ADH7: variants seen among roughly 807,000 people sequenced by gnomAD.
The protein encoded by ADH7 is alcohol dehydrogenase 7 (class IV), mu or sigma polypeptide, also known as all-trans-retinol dehydrogenase [NAD(+)] ADH7.
Under a neutral mutation model 34.4 loss-of-function variants are expected in ADH7, and 41 were observed. That is an observed-to-expected ratio of 1.19 (90% confidence interval 0.93 to 1.55). ADH7 has a LOEUF of 1.55. Among genes scored for constraint, ADH7 ranks in the 40% most tolerant of loss-of-function variants. ADH7 has a pLI of 0.00. For synonymous variants in ADH7, 180 were observed against 160.9 expected (o/e 1.12, Z -0.90); for missense variants, 540 against 461.2 (o/e 1.17, Z -1.56).
intron 5 of ADH7, among the ~76,000 whole-genome samples, chr4:99,422,596 C>T (rs6831961): frequency 9.9e-5 from 15 of 151,994 alleles, no homozygotes; most frequent in East Asian, 7.8e-4. Flanking sequence ...CAAACCTGCA[C>T]GCTCTGCACA....
In ADH7 at chr4:99,415,675, A is replaced by G; in HGVS notation, c.962-59T>C. 1.1e-5 allele frequency: 17 copies of G among 1,530,068 alleles called. No individual in the cohort carries two copies. In the South Asian group the frequency reaches 1.7e-4, roughly 15 times the overall value. 94.8% of individuals were successfully genotyped at this position (1,530,068 alleles called of 1,614,324 possible). A position where few individuals can be genotyped will look rare whatever the true frequency, so the allele number is the denominator to read the frequency against. ...TACTAAATAATCCTTATCTTTTATT[A>G]TGTTATATTTATTCCTTCTCTTTCC... On this transcript the variant is annotated intron_variant, in intron 7 of 8. Coordinates refer to ENST00000437033, the MANE Select transcript of ADH7 (RefSeq NM_000673.7).
chr4:99,430,569 T>C (rs1346050698), intron 1 of ADH7, among the ~76,000 whole-genome samples: 1 of 152,188 alleles, frequency 6.6e-6, no homozygotes, highest in African/African-American at 2.4e-5. Context: ...CCTAGAGAGC[T>C]CTTATGGATT....
At chr4:99,425,743 T>A (rs1721786927) in intron 5 of ADH7, among the ~76,000 whole-genome samples, 1 of 152,124 alleles carries the variant, frequency 6.6e-6, no homozygotes, top group Non-Finnish European at 1.5e-5. Flanking sequence ...CCAGCCCAAA[T>A]CAACAGAATA....
At chr4:99,420,414 C>T (rs1721619592) in intron 6 of ADH7, 119 bp downstream of exon 6, 1 of 1,214,264 alleles carries the variant, frequency 8.2e-7, no homozygotes, top group Admixed American at 2.5e-5. Context: ...CTGAGTAAAA[C>T]TGACTATCGC....
In ADH7 at chr4:99,423,669, A is replaced by G. The variant is rs1027914080; in HGVS notation, c.565-2876T>C. 1.5e-4 allele frequency among the ~76,000 whole-genome samples: 23 copies of G among 152,316 alleles called. 1 individual carries two copies. Among genetic ancestry groups the G allele is most frequent in the Admixed American group, 7.2e-4 (11 of 15,300 alleles). Reference sequence around the variant, plus strand: ...TTCCACATGTTTTTTGGCTGCATAAATGTCTTCTTTTCAGAAGTGTCTGTT... The same window carrying G: ...TTCCACATGTTTTTTGGCTGCATAAGTGTCTTCTTTTCAGAAGTGTCTGTT... On this transcript the variant is annotated intron_variant, in intron 5 of 8. Transcript: ENST00000437033.
chr4:99,419,214 G>T, intron 6 of ADH7, 93 bp from the exon 7 acceptor site: 1 of 1,386,862 alleles, frequency 7.2e-7, no homozygotes, highest in Non-Finnish European at 9.6e-7. Context: ...ACAAAGTCAT[G>T]AAATTAAATT....
At chr4:99,425,600 CAAT>C (rs1252695088) in intron 5 of ADH7, among the ~76,000 whole-genome samples, 1 of 152,020 alleles carries the variant, frequency 6.6e-6, no homozygotes, top group Non-Finnish European at 1.5e-5. Context: ...GACTCCCACA[CAAT>C]AATAATGGGA....
chr4:99,428,297 C>T, intron 3 of ADH7, 123 bp from the exon 4 acceptor site: 1 of 1,221,544 alleles, frequency 8.2e-7, no homozygotes, highest in Non-Finnish European at 1.2e-6. Context: ...GGTTTATAAA[C>T]ACCGTAAGGT....
At position 99,416,690 on chromosome 4, in the gene ADH7, T is replaced by G. The variant is rs190523796; in HGVS notation, c.962-1074A>C. ...GTGACCTCCTCTGGTCTTGTGGCTT[T>G]CGATATACTCCTCTTAAAATACTTA... On this transcript the variant is annotated intron_variant, in intron 7 of 8. Coordinates refer to ENST00000437033, the MANE Select transcript of ADH7 (RefSeq NM_000673.7). Among the ~76,000 whole-genome samples the G allele has an allele frequency of 1.4e-3, 209 of 152,220 alleles. 1 individual carries two copies. Among genetic ancestry groups the G allele is most frequent in the African/African-American group, 4.9e-3 (204 of 41,530 alleles).
At chr4:99,417,523 T>G (rs920395428) in intron 7 of ADH7, among the ~76,000 whole-genome samples, 1 of 152,178 alleles carries the variant, frequency 6.6e-6, no homozygotes, top group Admixed American at 6.5e-5. Context: ...TCCACCCCAG[T>G]CCTCTGGCAC....
chr4:99,434,114 C>G (rs915471993), intron 1 of ADH7, among the ~76,000 whole-genome samples: 7 of 152,142 alleles, frequency 4.6e-5, no homozygotes, highest in African/African-American at 1.7e-4. Context: ...CTTGAGGCTA[C>G]TTTCTCCATC....
chr4:99,420,562 A>T lies in ADH7; in HGVS notation c.796T>A (p.Phe266Ile), dbSNP rs910960813. ...EMTGNNVGYT[F>I]EVIGHLETMI... ...GTTTCAAGATGCCCAATAACTTCAA[A>T]GGTGTATCCCACGTTGTTGCCTGTC... Residue 266 changes from phenylalanine to isoleucine, a missense_variant, in exon 6 of 9, where the codon TTT (phenylalanine) becomes ATT (isoleucine). Coordinates refer to ENST00000437033, the MANE Select transcript of ADH7 (RefSeq NM_000673.7). The T allele has an allele frequency of 6.2e-7, 1 of 1,613,878 alleles. No individual in the cohort carries two copies. The highest frequency in any genetic ancestry group is 8.5e-7 in the Non-Finnish European group (1 of 1,179,868).
Position 99,420,704 on chromosome 4 carries a change from C to T in ADH7, c.654G>A (p.Arg218=), listed in dbSNP as rs971074. ...IMGCKSAGAS[R]IIGIDLNKDK... ...CTTTGTTGAGGTCAATCCCAATGATCCTAGATGCACCAGCTGACTTACAGC... is the reference window on the plus strand; with the variant it reads ...CTTTGTTGAGGTCAATCCCAATGATTCTAGATGCACCAGCTGACTTACAGC... The change falls in exon 6 of 9, where the codon AGG becomes AGA. Residue 218 remains arginine (R), a synonymous_variant. Coordinates refer to ENST00000437033, the MANE Select transcript of ADH7 (RefSeq NM_000673.7). The T allele has an allele frequency of 0.12, 189,043 of 1,613,624 alleles. 11,731 individuals carry two copies. Among genetic ancestry groups the T allele is most frequent in the African/African-American group, 0.17 (12,418 of 74,918 alleles).
chr4:99,418,873 G>A (rs1721582131), intron 7 of ADH7, 113 bp downstream of exon 7: 3 of 1,254,848 alleles, frequency 2.4e-6, no homozygotes, highest in African/African-American at 1.5e-5. Flanking sequence ...TTCCATTTTA[G>A]ATCACTTCAT....
rs1443895448 is a variant in ADH7 at position 99,419,095 on chromosome 4, C to A, written c.852G>T (p.Met284Ile). 6.2e-7 allele frequency: 1 copy of A among 1,613,630 alleles called. No homozygotes were observed. The highest frequency in any genetic ancestry group is 1.1e-5 in the South Asian group (1 of 91,080). Residue 284 changes from methionine to isoleucine, a missense_variant, in exon 7 of 9, where the codon ATG becomes ATT. Transcript: ENST00000437033. The part of the protein sequence containing the change: ...TMIDALASCH[M>I]NYGTSVVVGV... ...CTACAACCACGCTGGTCCCATAGTT[C>A]ATGTGGCAGGATGCCAGGGCATCAA... is the stretch of plus-strand genomic sequence containing the variant.
At chr4:99,428,770 T>C in intron 2 of ADH7, 140 bp from the exon 3 acceptor site, 1 of 1,119,022 alleles carries the variant, frequency 8.9e-7, no homozygotes, top group Non-Finnish European at 1.2e-6. Context: ...CTTAGACTAT[T>C]CTGAGCCAAA....
chr4:99,419,968 A>G (rs367667587), intron 6 of ADH7, among the ~76,000 whole-genome samples: 1 of 152,170 alleles, frequency 6.6e-6, no homozygotes, highest in African/African-American at 2.4e-5. Context: ...CAGGAATCTC[A>G]GATCTGTTTT....
intron 2 of ADH7, among the ~76,000 whole-genome samples, chr4:99,428,985 G>C (rs1475808547): frequency 6.6e-6 from 1 of 152,154 alleles, no homozygotes; most frequent in Non-Finnish European, 1.5e-5. Flanking sequence ...AGAGGAAATG[G>C]CATGCAAGAA....
At chr4:99,431,630 CACAA>C (rs1038535509) in intron 1 of ADH7, among the ~76,000 whole-genome samples, 3 of 151,892 alleles carry the variant, frequency 2.0e-5, no homozygotes, top group African/African-American at 4.8e-5. Context: ...ATAAGCAAAA[CACAA>C]ACAACGCCAT....
Sources: allele counts gnomAD v4.1 joint callset (sites outside exome capture counted in the v4.1 genomes callset), GRCh38; gene constraint gnomAD v4.1.1; transcripts MANE v1.5; gene names NCBI Gene and HGNC (gene_info 2026-07-23, HGNC 2026-07-21).